Variants in XRCC4 observed in about 807,000 individuals in gnomAD.
XRCC4 encodes the protein DNA repair protein XRCC4.
Under a neutral mutation model 39.1 loss-of-function variants are expected in XRCC4, and 28 were observed. The ratio of observed to expected loss-of-function variants is 0.72; its 90% confidence interval spans 0.53 to 0.98. The LOEUF (loss-of-function observed/expected upper bound fraction) is 0.98. XRCC4 is among the 50% of genes least tolerant of loss of function. The pLI is 0.00. For synonymous variants in XRCC4, 123 were observed against 126.4 expected, an observed-to-expected ratio of 0.97 and a Z score of 0.18; for missense variants, 350 against 376.4, an observed-to-expected ratio of 0.93 and a Z score of 0.58.
At chr5:83,368,454 G>A in the XRCC4 span, among the ~76,000 whole-genome samples, 1 of 152,196 alleles carries the variant, frequency 6.6e-6, no homozygotes, top group Non-Finnish European at 1.5e-5. Flanking sequence ...TGAGTGTGGT[G>A]TGATGCCCAA....
intron 3 of XRCC4, among the ~76,000 whole-genome samples, chr5:83,128,475 T>C (rs1169142116): frequency 3.3e-5 from 5 of 152,182 alleles, no homozygotes; most frequent in Non-Finnish European, 7.3e-5. Flanking sequence ...TTATAATCCT[T>C]TGGGTATATA....
intron 1 of XRCC4, among the ~76,000 whole-genome samples, chr5:83,101,288 TA>T (rs1182516427): frequency 6.6e-6 from 1 of 152,110 alleles, no homozygotes; most frequent in African/African-American, 2.4e-5. Context: ...AAGCATCTTT[TA>T]ATGAAGCTCA....
chr5:83,284,388 G>A (rs1754665714), intron 7 of XRCC4, among the ~76,000 whole-genome samples: 2 of 152,066 alleles, frequency 1.3e-5, no homozygotes, highest in Admixed American at 6.5e-5. Flanking sequence ...TCTTTCAGAT[G>A]TGTATCTCAT....
intron 7 of XRCC4, among the ~76,000 whole-genome samples, chr5:83,280,953 G>T (rs1754515330): frequency 6.6e-6 from 1 of 152,120 alleles, no homozygotes. Flanking sequence ...TTCTTTTAGT[G>T]CAAGGTTTAC....
intron 3 of XRCC4, among the ~76,000 whole-genome samples, chr5:83,189,351 T>G (rs924414965): frequency 8.5e-5 from 13 of 152,164 alleles, no homozygotes; most frequent in Non-Finnish European, 4.4e-5. Flanking sequence ...AAGACCTAAA[T>G]AAGAATTCTT....
chr5:83,359,039 A>C, the XRCC4 span, among the ~76,000 whole-genome samples: 97 of 151,718 alleles, frequency 6.4e-4, no homozygotes, highest in African/African-American at 2.3e-3. Context: ...GCCTTTATCC[A>C]TCACTTGCTG....
At chr5:83,205,847 T>TATCA (rs28360155) in intron 6 of XRCC4, among the ~76,000 whole-genome samples, 7,661 of 152,094 alleles carry the variant, frequency 0.05, 280 homozygotes, top group South Asian at 0.13. Context: ...TTAGCCAGAC[T>TATCA]ATCAGAAAAG....
intron 3 of XRCC4, among the ~76,000 whole-genome samples, chr5:83,181,770 A>G (rs1750218022): frequency 6.6e-6 from 1 of 152,200 alleles, no homozygotes; most frequent in African/African-American, 2.4e-5. Context: ...TGGCATTACC[A>G]GAACCAATGA....
intron 3 of XRCC4, among the ~76,000 whole-genome samples, chr5:83,183,344 C>G (rs1279161745): frequency 2.0e-5 from 3 of 151,704 alleles, no homozygotes; most frequent in African/African-American, 7.3e-5. Flanking sequence ...TCCTCTAACT[C>G]TACGGTGTCA....
Position 83,282,040 on chromosome 5 carries a change from C to A in XRCC4, c.893+23363C>A, listed in dbSNP as rs1467639428. ...GGCATTTATTTAGCCTTAATACTAG[C>A]CTATTTGGCATCATAAATAAGAGAA... On this transcript the variant is annotated intron_variant, in intron 7 of 7. Coordinates refer to ENST00000396027, the MANE Select transcript of XRCC4 (RefSeq NM_003401.5). Among the ~76,000 whole-genome samples the A allele has an allele frequency of 3.3e-5, 5 of 152,140 alleles. No individual in the cohort carries two copies. In the East Asian group the frequency reaches 9.6e-4, roughly 29 times the overall value.
At chr5:83,259,357 T>A (rs765782416) in intron 7 of XRCC4, 1 of 152,146 alleles carries the variant, frequency 6.6e-6, no homozygotes, top group Non-Finnish European at 1.5e-5. Context: ...TTTTGTTAAT[T>A]CAGTAAATAG....
intron 3 of XRCC4, among the ~76,000 whole-genome samples, chr5:83,112,702 C>G (rs1451930106): frequency 6.6e-6 from 1 of 152,110 alleles, no homozygotes; most frequent in African/African-American, 2.4e-5. Context: ...AAAAGAGGAG[C>G]AAAGTCACAT....
At chr5:83,280,559 C>G (rs1380275134) in intron 7 of XRCC4, 2 of 528,194 alleles carry the variant, frequency 3.8e-6, no homozygotes, top group Admixed American at 3.1e-5. Flanking sequence ...TGCACTGGAG[C>G]CCACACTCCG....
intron 6 of XRCC4, among the ~76,000 whole-genome samples, chr5:83,211,802 C>T (rs1751656830): frequency 6.6e-6 from 1 of 152,064 alleles, no homozygotes; most frequent in African/African-American, 2.4e-5. Context: ...TCACACATCA[C>T]AAGAGAAACA....
At chr5:83,116,681 G>C (rs1176732377) in intron 3 of XRCC4, among the ~76,000 whole-genome samples, 1 of 136,706 alleles carries the variant, frequency 7.3e-6, no homozygotes, top group Non-Finnish European at 1.5e-5. Context: ...GAGTGCAATG[G>C]TGCAATCTCA....
At chr5:83,259,526 C>A (rs1753677576) in intron 7 of XRCC4, among the ~76,000 whole-genome samples, 1 of 151,930 alleles carries the variant, frequency 6.6e-6, no homozygotes, top group African/African-American at 2.4e-5. Context: ...TTTCTTATAT[C>A]CTTCAATTAA....
chr5:83,272,126 A>G (rs1754164143), intron 7 of XRCC4, among the ~76,000 whole-genome samples: 1 of 152,210 alleles, frequency 6.6e-6, no homozygotes. Flanking sequence ...AATTAGATAT[A>G]ATTCTATTTA....
chr5:83,331,486 C>A (rs1756435584), intron 7 of XRCC4, among the ~76,000 whole-genome samples: 2 of 151,986 alleles, frequency 1.3e-5, no homozygotes, highest in African/African-American at 4.8e-5. Flanking sequence ...AACAACTTGG[C>A]ACCATTTTGT....
chr5:83,208,275 G>T (rs1751495465), intron 6 of XRCC4, among the ~76,000 whole-genome samples: 1 of 151,852 alleles, frequency 6.6e-6, no homozygotes, highest in African/African-American at 2.4e-5. Flanking sequence ...TTTTGTAAAT[G>T]GGAATGAAAT....
Sources: gnomAD v4.1 joint callset for allele counts (sites outside exome capture counted in the v4.1 genomes callset) on GRCh38, gnomAD v4.1.1 for gene constraint, MANE v1.5 for transcripts, NCBI Gene and HGNC (gene_info 2026-07-23, HGNC 2026-07-21) for gene names.